BABAM2: variants seen among roughly 807,000 people sequenced by gnomAD.
The protein encoded by BABAM2 is BRISC and BRCA1-A complex member 2.
In BABAM2, 31 loss-of-function variants were observed where a neutral mutation model predicts 54.7. The observed-to-expected ratio is 0.57, with a 90% CI of 0.43 to 0.77. The LOEUF (loss-of-function observed/expected upper bound fraction) is 0.77, where lower values mean the gene tolerates loss of function less well. BABAM2 is among the 30% of genes least tolerant of loss of function. The pLI, the probability that BABAM2 is intolerant of heterozygous loss-of-function variation, is 0.00. For synonymous variants in BABAM2, 167 were observed against 162.9 expected (o/e 1.03, Z -0.19); for missense variants, 364 against 455.8 (o/e 0.80, Z 1.83).
chr2:28,046,148 C>A (rs964498422), intron 6 of BABAM2, among the ~76,000 whole-genome samples: 6 of 152,304 alleles, frequency 3.9e-5, no homozygotes, highest in African/African-American at 7.2e-5. Flanking sequence ...ACACCCTAGC[C>A]ACTGCCTTCG....
chr2:28,244,909 TCCTAAACCAC>T, intron 10 of BABAM2, 47 bp downstream of exon 10: 1 of 1,532,842 alleles, frequency 6.5e-7, no homozygotes, highest in Non-Finnish European at 9.0e-7. Flanking sequence ...TTTTTAAATG[TCCTAAACCAC>T]ATGTAATAAT....
At chr2:28,081,854 G>T (rs745813146) in intron 6 of BABAM2, among the ~76,000 whole-genome samples, 2 of 152,120 alleles carry the variant, frequency 1.3e-5, no homozygotes, top group Non-Finnish European at 2.9e-5. Flanking sequence ...TAACAAAAAG[G>T]CATGGGGATA....
At chr2:28,212,746 T>A (rs573964939) in intron 7 of BABAM2, among the ~76,000 whole-genome samples, 1 of 152,322 alleles carries the variant, frequency 6.6e-6, no homozygotes, top group African/African-American at 2.4e-5. Context: ...TAGAGATTTT[T>A]ATTCTAGAAA....
At chr2:28,083,947 A>G (rs1665412472) in intron 6 of BABAM2, among the ~76,000 whole-genome samples, 1 of 152,224 alleles carries the variant, frequency 6.6e-6, no homozygotes, top group African/African-American at 2.4e-5. Flanking sequence ...AATAATGAAG[A>G]CAAACCTACC....
intron 4 of BABAM2, among the ~76,000 whole-genome samples, chr2:28,013,935 T>C (rs1455994307): frequency 6.6e-6 from 1 of 152,178 alleles, no homozygotes; most frequent in Non-Finnish European, 1.5e-5. Flanking sequence ...TTAAGATATG[T>C]AGGATTTAAG....
chr2:28,197,608 A>G (rs1226192715), intron 7 of BABAM2, among the ~76,000 whole-genome samples: 1 of 152,214 alleles, frequency 6.6e-6, no homozygotes, highest in East Asian at 1.9e-4. Context: ...TGTTAGAAGG[A>G]ATCAAAGAAT....
At chr2:28,284,688 A>G (rs1430647725) in intron 10 of BABAM2, among the ~76,000 whole-genome samples, 1 of 152,190 alleles carries the variant, frequency 6.6e-6, no homozygotes, top group East Asian at 1.9e-4. Context: ...CTCTGAATTT[A>G]CCTCAAATAA....
intron 10 of BABAM2, among the ~76,000 whole-genome samples, chr2:28,256,675 T>C (rs189393784): frequency 2.0e-3 from 304 of 151,068 alleles, no homozygotes; most frequent in African/African-American, 7.2e-3. Context: ...ATTTTTCATA[T>C]GTTTGGATGG....
At chr2:28,335,201 C>T (rs1288025779) in intron 11 of BABAM2, among the ~76,000 whole-genome samples, 5 of 139,404 alleles carry the variant, frequency 3.6e-5, no homozygotes, top group African/African-American at 1.1e-4. Flanking sequence ...TCTGGCTCTG[C>T]CGCCCAGGCT....
intron 3 of BABAM2, among the ~76,000 whole-genome samples, chr2:27,986,782 A>G (rs906535947): frequency 6.6e-6 from 1 of 152,200 alleles, no homozygotes; most frequent in Non-Finnish European, 1.5e-5. Context: ...GCTGTTATGT[A>G]TGTATGTGTA....
intron 6 of BABAM2, among the ~76,000 whole-genome samples, chr2:28,065,978 TAAAA>T (rs756592657): frequency 7.6e-5 from 7 of 91,878 alleles, no homozygotes; most frequent in African/African-American, 1.2e-4. Context: ...CTGTCTCTAC[TAAAA>T]AAAAAAAAAA....
At chr2:27,910,146 G>T (rs1467944354) in intron 2 of BABAM2, among the ~76,000 whole-genome samples, 1 of 152,030 alleles carries the variant, frequency 6.6e-6, no homozygotes, top group Admixed American at 6.6e-5. Flanking sequence ...TTGTTTGTTA[G>T]GCCTGTCTCC....
chr2:28,198,331 A>C (rs1311055214), intron 7 of BABAM2, among the ~76,000 whole-genome samples: 1 of 151,938 alleles, frequency 6.6e-6, no homozygotes, highest in African/African-American at 2.4e-5. Context: ...TGCCTGGCTA[A>C]TTTTTTGTAT....
chr2:28,325,540 C>A lies in BABAM2; in HGVS notation c.1089-12910C>A, dbSNP rs1247422332. On this transcript the variant is annotated intron_variant, in intron 11 of 11. Coordinates refer to ENST00000379624, the MANE Select transcript of BABAM2 (RefSeq NM_199191.3). The surrounding 1 kb of genome is among the most constrained non-coding windows in gnomAD (Gnocchi z 4.3). ...CATTGTCTCCAGAAGGCCACTGTAC[C>A]CCAGCAGGGAGAGTGGAGCTTGGAC... 6.6e-6 allele frequency among the ~76,000 whole-genome samples: 1 copy of A among 152,190 alleles called. No individual in the cohort carries two copies. Among genetic ancestry groups the A allele is most frequent in the East Asian group, 1.9e-4 (1 of 5,200 alleles).
intron 2 of BABAM2, among the ~76,000 whole-genome samples, chr2:27,925,213 T>C (rs1041900017): frequency 3.3e-5 from 5 of 152,188 alleles, no homozygotes; most frequent in African/African-American, 1.2e-4. Context: ...ATTTTTCTTC[T>C]ATCTTTTCTG....
At chr2:28,194,645 G>A (rs964647087) in intron 7 of BABAM2, among the ~76,000 whole-genome samples, 37 of 129,628 alleles carry the variant, frequency 2.9e-4, no homozygotes, top group Admixed American at 1.6e-3. Context: ...ACGGTGGCAC[G>A]ATCTCGGCTC....
intron 2 of BABAM2, among the ~76,000 whole-genome samples, chr2:27,925,943 G>C (rs1667671727): frequency 6.6e-6 from 1 of 152,210 alleles, no homozygotes; most frequent in Non-Finnish European, 1.5e-5. Context: ...TACTGCACCA[G>C]AGCTAGAAAA....
rs892329899 is a variant in BABAM2, at chr2:28,030,141, C to T, written c.495+4721C>T. On this transcript the variant is annotated intron_variant, in intron 5 of 11. Coordinates refer to ENST00000379624, the MANE Select transcript of BABAM2 (RefSeq NM_199191.3). ...TGAATATAATCCAGTTTTATGGCAC[C>T]GTTTGTTACCTAATAATTTTCAAAA... is the stretch of plus-strand genomic sequence containing the variant. Among the ~76,000 whole-genome samples, 7 of 152,126 alleles carry T rather than the reference C, an allele frequency of 4.6e-5. No homozygotes were observed. In the East Asian group the frequency reaches 9.7e-4, roughly 21 times the overall value.
intron 4 of BABAM2, chr2:28,016,553 C>A: frequency 1.6e-6 from 1 of 619,468 alleles, no homozygotes; most frequent in South Asian, 1.6e-5. Context: ...GCGGGCCCGC[C>A]GCAGGTGCAT....
Sources: allele counts gnomAD v4.1 joint callset (sites outside exome capture counted in the v4.1 genomes callset), GRCh38; gene constraint gnomAD v4.1.1; non-coding constraint Gnocchi (gnomAD v3.1); transcripts MANE v1.5; gene names NCBI Gene and HGNC (gene_info 2026-07-23, HGNC 2026-07-21).